ERICH1: variants seen among roughly 807,000 people sequenced by gnomAD.
ERICH1 encodes glutamate rich 1.
A neutral mutation model predicts 39.6 loss-of-function variants in ERICH1; 56 were observed. That is an observed-to-expected ratio of 1.41 (90% CI 1.14 to 1.77). The LOEUF (loss-of-function observed/expected upper bound fraction) is 1.77. Among genes scored for constraint, ERICH1 ranks in the 40% most tolerant of loss-of-function variants. The pLI is 0.00. For missense variants in ERICH1, 826 were observed against 575.4 expected (o/e 1.44, Z -4.45); for synonymous variants, 313 against 223.6 (o/e 1.40, Z -3.57).
chr8:665,684 A>G (rs1802105959), intron 5 of ERICH1, among the ~76,000 whole-genome samples: 1 of 152,232 alleles, frequency 6.6e-6, no homozygotes, highest in Non-Finnish European at 1.5e-5. Context: ...TACTACTGAT[A>G]AAGAGTACGT....
At chr8:685,448 G>A (rs1230083888) in intron 3 of ERICH1, among the ~76,000 whole-genome samples, 3 of 152,172 alleles carry the variant, frequency 2.0e-5, no homozygotes, top group South Asian at 4.1e-4. Flanking sequence ...GGGTCCTGAG[G>A]CAACATACAT....
At position 664,208 on chromosome 8, in the gene ERICH1, C is replaced by T. The variant is rs954457177; in HGVS notation, c.*395G>A. 16 of 986,650 alleles carry T rather than the reference C, an allele frequency of 1.6e-5. No homozygotes were observed. The South Asian group carries it at 1.9e-4, about 12-fold the overall frequency. 61.1% of individuals were successfully genotyped at this position (986,650 alleles called of 1,614,324 possible). A position where few individuals can be genotyped will look rare whatever the true frequency, so the allele number is the denominator to read the frequency against. Reference sequence around the variant, plus strand: ...CTCAACTATATTCAAACTACTTAAACTAGAACATTTTAATACCCAGAAAGC... The same window carrying T: ...CTCAACTATATTCAAACTACTTAAATTAGAACATTTTAATACCCAGAAAGC... On this transcript the variant is annotated 3_prime_UTR_variant, in exon 6 of 6. Coordinates refer to ENST00000262109, the MANE Select transcript of ERICH1 (RefSeq NM_207332.3).
chr8:644,401 GATT>G (rs1799368333), intron 3 of ERICH1, among the ~76,000 whole-genome samples: 1 of 72,078 alleles, frequency 1.4e-5, no homozygotes, highest in East Asian at 2.9e-4. Context: ...AGTCAAGGAA[GATT>G]CTTTAGTGAG....
At chr8:616,366 G>T (rs1796897036) in intron 3 of ERICH1, 3 of 352,976 alleles carry the variant, frequency 8.5e-6, no homozygotes, top group South Asian at 6.3e-5. Context: ...TCGGCCAGGT[G>T]TGGGCGGCCG....
intron 3 of ERICH1, among the ~76,000 whole-genome samples, chr8:657,788 G>A (rs1439653482): frequency 6.6e-6 from 1 of 152,056 alleles, no homozygotes; most frequent in Non-Finnish European, 1.5e-5. Context: ...GGAATTCCTT[G>A]CGATAATGAG....
At chr8:715,149 C>T (rs1026467149) in intron 2 of ERICH1, among the ~76,000 whole-genome samples, 3 of 152,004 alleles carry the variant, frequency 2.0e-5, no homozygotes, top group Non-Finnish European at 4.4e-5. Flanking sequence ...GTGGGATGTG[C>T]TGCACCCAGG....
intron 3 of ERICH1, among the ~76,000 whole-genome samples, chr8:682,714 G>A (rs149203963): frequency 1.3e-5 from 2 of 152,208 alleles, no homozygotes; most frequent in African/African-American, 4.8e-5. Context: ...GCTACTATTT[G>A]ACACCTACAT....
At chr8:615,199 T>C (rs1796848761) in exon 4 of ERICH1, 1 of 661,092 alleles carries the variant, frequency 1.5e-6, no homozygotes, top group South Asian at 1.7e-5. Context: ...GACCTGGAAT[T>C]GTCCAAGTCA....
At chr8:631,496 T>A (rs1433851499) in intron 3 of ERICH1, among the ~76,000 whole-genome samples, 1 of 152,194 alleles carries the variant, frequency 6.6e-6, no homozygotes, top group African/African-American at 2.4e-5. Flanking sequence ...AACAGTCCGA[T>A]GTCTGCGCCA....
intron 3 of ERICH1, among the ~76,000 whole-genome samples, chr8:687,486 A>T (rs1393643384): frequency 6.6e-6 from 1 of 152,240 alleles, no homozygotes; most frequent in African/African-American, 2.4e-5. Flanking sequence ...GTGTGGGTCC[A>T]GACTGTCACC....
rs899283144 is a variant in ERICH1 at position 701,877 on chromosome 8, G to T, written c.170-9265C>A. 3.9e-5 allele frequency among the ~76,000 whole-genome samples: 6 copies of T among 151,996 alleles called. 1 individual carries two copies. In the South Asian group the frequency reaches 6.2e-4, roughly 16 times the overall value. On this transcript the variant is annotated intron_variant, in intron 2 of 5. Coordinates refer to ENST00000262109, the MANE Select transcript of ERICH1 (RefSeq NM_207332.3). Reference sequence around the variant, plus strand: ...GAGGCTGAGGCAAGCAGATCAAGAGGTCAGGAGTTCAAGACCAGCCTGACC... The same window carrying T: ...GAGGCTGAGGCAAGCAGATCAAGAGTTCAGGAGTTCAAGACCAGCCTGACC...
chr8:713,135 T>G lies in ERICH1; in HGVS notation c.169+2726A>C, dbSNP rs112916689. ...TACGTATGTGTGTCCTGATCTCATC[T>G]TCTAATATGGACACCAGTAATACTG... On this transcript the variant is annotated intron_variant, in intron 2 of 5. Transcript: ENST00000262109. Among the ~76,000 whole-genome samples the G allele has an allele frequency of 8.2e-3, 1,244 of 152,326 alleles. 11 individuals carry two copies. The highest frequency in any genetic ancestry group is 0.028 in the African/African-American group (1,177 of 41,564).
chr8:660,109 T>G (rs1489378469), downstream of ERICH1, among the ~76,000 whole-genome samples: 1 of 150,216 alleles, frequency 6.7e-6, no homozygotes, highest in African/African-American at 2.5e-5. Flanking sequence ...GGCAGGGCCT[T>G]CCCCGACTCT....
chr8:625,244 T>A (rs1190642321), intron 3 of ERICH1, among the ~76,000 whole-genome samples: 2 of 152,152 alleles, frequency 1.3e-5, no homozygotes, highest in Non-Finnish European at 2.9e-5. Context: ...TCCTATCCGA[T>A]GAATAGATAA....
intron 3 of ERICH1, among the ~76,000 whole-genome samples, chr8:631,037 ACCAC>A (rs1798003934): frequency 6.7e-6 from 1 of 148,380 alleles, no homozygotes. Context: ...CCCTCCCGTG[ACCAC>A]CCACCACCCA....
chr8:615,413 C>A, intron 3 of ERICH1: 1 of 557,170 alleles, frequency 1.8e-6, no homozygotes, highest in Non-Finnish European at 3.1e-6. Context: ...CCCTGCTTTC[C>A]TCAGTCATAA....
intron 5 of ERICH1, chr8:667,660 T>G (rs1802476803): frequency 6.5e-6 from 1 of 153,196 alleles, no homozygotes; most frequent in African/African-American, 2.4e-5. Context: ...AGCACCCATA[T>G]GCTCTGCACG....
intron 3 of ERICH1, among the ~76,000 whole-genome samples, chr8:652,038 G>T (rs1320432763): frequency 3.3e-5 from 5 of 152,184 alleles, no homozygotes; most frequent in African/African-American, 1.2e-4. Context: ...AGGCATCCGG[G>T]GACCTGGAGG....
chr8:619,721 A>T (rs1047072724), intron 3 of ERICH1, among the ~76,000 whole-genome samples: 22 of 152,212 alleles, frequency 1.4e-4, no homozygotes, highest in African/African-American at 5.3e-4. Context: ...TACAGGGACA[A>T]TATATTAAAC....
Sources: gnomAD v4.1 joint callset for allele counts (sites outside exome capture counted in the v4.1 genomes callset) on GRCh38, gnomAD v4.1.1 for gene constraint, MANE v1.5 for transcripts, NCBI Gene and HGNC (gene_info 2026-07-23, HGNC 2026-07-21) for gene names.